Variants in PTPRR observed in about 807,000 individuals in gnomAD.
PTPRR encodes the protein receptor-type tyrosine-protein phosphatase R.
A neutral mutation model predicts 77.2 loss-of-function variants in PTPRR; 38 were observed. The observed-to-expected ratio is 0.49, with a 90% confidence interval of 0.38 to 0.65. The LOEUF (loss-of-function observed/expected upper bound fraction) is 0.65. PTPRR is among the 30% of genes least tolerant of loss of function. PTPRR has a pLI of 0.00. For missense variants in PTPRR, 744 were observed against 799.2 expected (o/e 0.93, Z 0.83); for synonymous variants, 299 against 283.1 (o/e 1.06, Z -0.57).
chr12:70,829,128 C>CAGT (rs1054912143), intron 2 of PTPRR, among the ~76,000 whole-genome samples: 1 of 151,836 alleles, frequency 6.6e-6, no homozygotes, highest in African/African-American at 2.4e-5. Flanking sequence ...TCCATGTGGG[C>CAGT]AGTAACTTGT....
At chr12:70,702,467 T>C (rs1227778345) in intron 6 of PTPRR, among the ~76,000 whole-genome samples, 2 of 152,152 alleles carry the variant, frequency 1.3e-5, no homozygotes, top group African/African-American at 2.4e-5. Flanking sequence ...TAAGAGTAGA[T>C]GCTAGGCCCA....
rs1034738782 is a variant in PTPRR, at chr12:70,920,673, G to A, written c.-283C>T. ...CTTCTGGACGCCCAGAAGCCAAGGC[G>A]GAGACGGCAGGGTGGACTCCGCGCC... On this transcript the variant is annotated 5_prime_UTR_variant, in exon 1 of 14. Transcript: ENST00000283228. 10 of 363,336 alleles carry A rather than the reference G, an allele frequency of 2.8e-5. No individual in the cohort carries two copies. The highest frequency in any genetic ancestry group is 8.2e-5 in the African/African-American group (4 of 48,538). 22.5% of individuals were successfully genotyped at this position (363,336 alleles called of 1,614,324 possible). A position where few individuals can be genotyped will look rare whatever the true frequency, so the allele number is the denominator to read the frequency against.
intron 2 of PTPRR, among the ~76,000 whole-genome samples, chr12:70,788,000 C>T (rs1429566160): frequency 4.6e-5 from 7 of 152,140 alleles, no homozygotes; most frequent in Admixed American, 1.3e-4. Context: ...TTGTCCAGAA[C>T]TTCGTACAAT....
intron 2 of PTPRR, among the ~76,000 whole-genome samples, chr12:70,867,416 C>T (rs994931940): frequency 2.0e-5 from 3 of 151,656 alleles, no homozygotes; most frequent in Non-Finnish European, 2.9e-5. Flanking sequence ...AGCCAAATCA[C>T]GAGTGAACTC....
chr12:70,702,446 A>C (rs983513100), intron 6 of PTPRR, among the ~76,000 whole-genome samples: 1 of 152,104 alleles, frequency 6.6e-6, no homozygotes, highest in Non-Finnish European at 1.5e-5. Context: ...AATATGTGAG[A>C]GTAAAGACAG....
intron 1 of PTPRR, among the ~76,000 whole-genome samples, chr12:70,894,540 T>A (rs894998399): frequency 6.6e-6 from 1 of 151,684 alleles, no homozygotes; most frequent in African/African-American, 2.4e-5. Flanking sequence ...AAGAAGAAAA[T>A]TACTCTCCTT....
intron 2 of PTPRR, among the ~76,000 whole-genome samples, chr12:70,809,394 A>G (rs1891769686): frequency 1.3e-5 from 2 of 152,100 alleles, no homozygotes; most frequent in Admixed American, 6.6e-5. Context: ...AGTTAAAATT[A>G]TTCATTGTGT....
intron 2 of PTPRR, among the ~76,000 whole-genome samples, chr12:70,801,498 G>A (rs1414936512): frequency 6.6e-6 from 1 of 152,222 alleles, no homozygotes; most frequent in African/African-American, 2.4e-5. Flanking sequence ...CTGCCTGACT[G>A]AGTAGGTACA....
rs558799927 is a variant in PTPRR at position 70,746,738 on chromosome 12, C to T, written c.739-652G>A. On this transcript the variant is annotated intron_variant, in intron 5 of 13. Coordinates refer to ENST00000283228, the MANE Select transcript of PTPRR (RefSeq NM_002849.4). ...ACAGGATCTGGCTCTGTTGCCCAAGCGAAAGTGCAGTGCTGTGATCATAGC... is the reference window on the plus strand; with the variant it reads ...ACAGGATCTGGCTCTGTTGCCCAAGTGAAAGTGCAGTGCTGTGATCATAGC... Among the ~76,000 whole-genome samples, 3 of 151,696 alleles carry T rather than the reference C, an allele frequency of 2.0e-5. No individual in the cohort carries two copies. In the East Asian group the frequency reaches 5.8e-4, roughly 29 times the overall value.
At position 70,684,224 on chromosome 12, in the gene PTPRR, C is replaced by A; in HGVS notation, c.1400G>T (p.Gly467Val). The A allele has an allele frequency of 6.2e-7, 1 of 1,613,546 alleles. No individual in the cohort carries two copies. The highest frequency in any genetic ancestry group is 8.5e-7 in the Non-Finnish European group (1 of 1,179,748). Residue 467 changes from glycine to valine, a missense_variant, in exon 10 of 14, where the codon GGC (glycine) becomes GTC (valine). Coordinates refer to ENST00000283228, the MANE Select transcript of PTPRR (RefSeq NM_002849.4). ...ATCATCCACGGTGTTGATCATGGGG[C>A]CCTGCGTGGCAATGAAGGCTTTCTC... is the stretch of plus-strand genomic sequence containing the variant. The part of the protein sequence containing the change: ...GKEKAFIATQ[G>V]PMINTVDDFW...
At chr12:70,716,258 T>A (rs1447998822) in intron 6 of PTPRR, among the ~76,000 whole-genome samples, 1 of 152,066 alleles carries the variant, frequency 6.6e-6, no homozygotes, top group Non-Finnish European at 1.5e-5. Context: ...CCACTATATA[T>A]GTACTCTAAC....
At chr12:70,842,879 G>C (rs1892420913) in intron 2 of PTPRR, among the ~76,000 whole-genome samples, 1 of 152,186 alleles carries the variant, frequency 6.6e-6, no homozygotes, top group African/African-American at 2.4e-5. Context: ...TGTTTTGCTT[G>C]AAATCTAGTT....
chr12:70,900,507 A>T (rs1032422348), intron 1 of PTPRR, among the ~76,000 whole-genome samples: 1 of 151,656 alleles, frequency 6.6e-6, no homozygotes, highest in African/African-American at 2.4e-5. Flanking sequence ...CAGGCAACTG[A>T]AGCAAAAATA....
chr12:70,878,075 C>A (rs1428243964), intron 2 of PTPRR, among the ~76,000 whole-genome samples: 1 of 152,092 alleles, frequency 6.6e-6, no homozygotes, highest in Non-Finnish European at 1.5e-5. Context: ...CGATCCCTTC[C>A]TTACACCTTA....
At chr12:70,686,668 G>T (rs1260343749) in intron 8 of PTPRR, among the ~76,000 whole-genome samples, 1 of 152,140 alleles carries the variant, frequency 6.6e-6, no homozygotes, top group East Asian at 1.9e-4. Context: ...GGGCACTCAA[G>T]CAGCCCAATG....
chr12:70,817,101 T>C (rs1592773756), intron 2 of PTPRR, among the ~76,000 whole-genome samples: 1 of 152,288 alleles, frequency 6.6e-6, no homozygotes, highest in South Asian at 2.1e-4. Context: ...TTATGTGTTA[T>C]ACTTTTTAAT....
intron 2 of PTPRR, among the ~76,000 whole-genome samples, chr12:70,776,178 T>C (rs1424021716): frequency 6.6e-6 from 1 of 152,136 alleles, no homozygotes; most frequent in Non-Finnish European, 1.5e-5. Context: ...GAATGAGCTA[T>C]CATATTTGGG....
In PTPRR at chr12:70,677,902, T is replaced by A. The variant is rs368687279; in HGVS notation, c.1497+6225A>T. 2.6e-5 allele frequency among the ~76,000 whole-genome samples: 4 copies of A among 152,326 alleles called. No individual in the cohort carries two copies. In the South Asian group the frequency reaches 8.3e-4, roughly 32 times the overall value. ...TCCTTGTCTGGTTTGGGTGCTAGGG[T>A]AATGCTGGCCTTGTAGAATGAGTTT... On this transcript the variant is annotated intron_variant, in intron 10 of 13. Coordinates refer to ENST00000283228, the MANE Select transcript of PTPRR (RefSeq NM_002849.4).
At chr12:70,763,443 G>T (rs1225477637) in intron 3 of PTPRR, among the ~76,000 whole-genome samples, 5 of 152,066 alleles carry the variant, frequency 3.3e-5, no homozygotes, top group African/African-American at 1.2e-4. Flanking sequence ...ACTCATTCAG[G>T]GGAATGTTGT....
Sources: gnomAD v4.1 joint callset for allele counts (sites outside exome capture counted in the v4.1 genomes callset) on GRCh38, gnomAD v4.1.1 for gene constraint, MANE v1.5 for transcripts, NCBI Gene and HGNC (gene_info 2026-07-23, HGNC 2026-07-21) for gene names.